AUTS2: variants seen among roughly 807,000 people sequenced by gnomAD.
AUTS2 encodes activator of transcription and developmental regulator AUTS2.
AUTS2 carries 17 observed loss-of-function variants against 112.4 expected under a neutral mutation model. That is an observed-to-expected ratio of 0.15 (90% CI 0.10 to 0.23). The LOEUF (loss-of-function observed/expected upper bound fraction) is 0.23, where lower values mean the gene tolerates loss of function less well. AUTS2 is among the 10% of genes least tolerant of loss of function. AUTS2 has a pLI of 1.00. For missense variants in AUTS2, 1,510 were observed against 1,701.6 expected (o/e 0.89, Z 1.98); for synonymous variants, 751 against 702.7 (o/e 1.07, Z -1.09).
At chr7:70,520,539 A>T (rs1040046236) in intron 5 of AUTS2, among the ~76,000 whole-genome samples, 1 of 152,228 alleles carries the variant, frequency 6.6e-6, no homozygotes. Flanking sequence ...CACGTGCATC[A>T]TGATCACGCC....
chr7:69,806,860 C>A (rs1358272317), intron 1 of AUTS2, among the ~76,000 whole-genome samples: 1 of 152,192 alleles, frequency 6.6e-6, no homozygotes, highest in African/African-American at 2.4e-5. Context: ...CATGGATGAG[C>A]TTTTTCCAGG....
chr7:70,126,972 A>T (rs1397213969), intron 3 of AUTS2, among the ~76,000 whole-genome samples: 1 of 152,012 alleles, frequency 6.6e-6, no homozygotes, highest in East Asian at 1.9e-4. Context: ...GATTACAGGC[A>T]TACACCACCA....
chr7:70,689,387 A>G (rs981058809), intron 5 of AUTS2, among the ~76,000 whole-genome samples: 1 of 151,604 alleles, frequency 6.6e-6, no homozygotes, highest in African/African-American at 2.4e-5. Context: ...TCTCAGAAAA[A>G]AGAAAAAGAA....
intron 5 of AUTS2, among the ~76,000 whole-genome samples, chr7:70,574,260 C>T (rs556379238): frequency 6.6e-6 from 1 of 152,250 alleles, no homozygotes; most frequent in South Asian, 2.1e-4. Flanking sequence ...TCTCTACTAA[C>T]ATCTGAAAAA....
At chr7:69,812,461 A>T (rs1562900078) in intron 1 of AUTS2, among the ~76,000 whole-genome samples, 1 of 152,200 alleles carries the variant, frequency 6.6e-6, no homozygotes, top group East Asian at 1.9e-4. Context: ...TAGAGGTGCC[A>T]AAGATGGTGG....
At chr7:70,264,861 G>GA (rs1190615931) in intron 4 of AUTS2, among the ~76,000 whole-genome samples, 3 of 152,122 alleles carry the variant, frequency 2.0e-5, no homozygotes, top group African/African-American at 7.2e-5. Flanking sequence ...AAAATTTTTA[G>GA]AAAAAGTGTA....
At chr7:69,725,523 G>A (rs975691493) in intron 1 of AUTS2, among the ~76,000 whole-genome samples, 1 of 152,124 alleles carries the variant, frequency 6.6e-6, no homozygotes, top group Non-Finnish European at 1.5e-5. Flanking sequence ...TGCAAAAAAA[G>A]GCAGGGTTGA....
At chr7:70,142,159 C>T (rs746060966) in intron 4 of AUTS2, among the ~76,000 whole-genome samples, 3 of 152,110 alleles carry the variant, frequency 2.0e-5, no homozygotes, top group Non-Finnish European at 4.4e-5. Context: ...AGGAGATAAG[C>T]GGAAAACTTA....
intron 1 of AUTS2, among the ~76,000 whole-genome samples, chr7:69,729,334 CA>C (rs35016196): frequency 0.096 from 14,428 of 150,528 alleles, 1,093 homozygotes; most frequent in African/African-American, 0.21. Flanking sequence ...CTTTTAATAG[CA>C]TTTTTTTTTT....
intron 5 of AUTS2, among the ~76,000 whole-genome samples, chr7:70,592,705 A>G (rs1027314384): frequency 2.0e-5 from 3 of 152,162 alleles, no homozygotes; most frequent in South Asian, 2.1e-4. Flanking sequence ...CTCTTTGCCT[A>G]TTCTCTGAAT....
chr7:70,191,161 CTTTTTT>C (rs34637651), intron 4 of AUTS2, among the ~76,000 whole-genome samples: 1 of 86,426 alleles, frequency 1.2e-5, no homozygotes, highest in African/African-American at 4.7e-5. Context: ...CCACTTATTT[CTTTTTT>C]TTTTTTTTTT....
intron 1 of AUTS2, among the ~76,000 whole-genome samples, chr7:69,673,226 C>T (rs967101238): frequency 4.6e-5 from 7 of 152,076 alleles, no homozygotes; most frequent in African/African-American, 1.4e-4. Context: ...CAGAAGGAGA[C>T]TGTCTGGTTA....
chr7:69,800,589 G>T (rs1045678641), intron 1 of AUTS2, among the ~76,000 whole-genome samples: 1 of 152,162 alleles, frequency 6.6e-6, no homozygotes, highest in Non-Finnish European at 1.5e-5. Context: ...CTTTCCACTA[G>T]CCATAGTTTA....
intron 4 of AUTS2, among the ~76,000 whole-genome samples, chr7:70,183,594 T>G (rs772862478): frequency 6.6e-5 from 10 of 152,246 alleles, no homozygotes; most frequent in African/African-American, 2.4e-4. Context: ...TCAGCCCTGC[T>G]GTGTGCAGAC....
At chr7:70,164,043 A>G (rs1272962348) in intron 4 of AUTS2, among the ~76,000 whole-genome samples, 1 of 152,248 alleles carries the variant, frequency 6.6e-6, no homozygotes, top group Non-Finnish European at 1.5e-5. Context: ...GCTTATGTGC[A>G]GGTCCTACTT....
At chr7:70,375,849 A>G (rs1461982709) in intron 4 of AUTS2, among the ~76,000 whole-genome samples, 1 of 152,138 alleles carries the variant, frequency 6.6e-6, no homozygotes, top group Non-Finnish European at 1.5e-5. Flanking sequence ...CCAAGCTTCT[A>G]CTTGCAACTC....
chr7:69,790,648 C>T lies in AUTS2; in HGVS notation c.310-108638C>T, dbSNP rs561589267. Among the ~76,000 whole-genome samples the T allele has an allele frequency of 3.3e-4, 50 of 152,230 alleles. 1 individual carries two copies. In the South Asian group the frequency reaches 5.2e-3, roughly 16 times the overall value. On this transcript the variant is annotated intron_variant, in intron 1 of 18. Coordinates refer to ENST00000342771, the MANE Select transcript of AUTS2 (RefSeq NM_015570.4). The stretch of plus-strand genomic sequence containing the variant: ...GATTGTTTTGAAGATTGAGATTGTT[C>T]GTAAAATACTTAGAAAAGTGCCTTG...
intron 1 of AUTS2, among the ~76,000 whole-genome samples, chr7:69,627,019 T>C (rs1200261957): frequency 6.6e-6 from 1 of 152,158 alleles, no homozygotes; most frequent in Admixed American, 6.6e-5. Flanking sequence ...GTATAAGAAA[T>C]AGAAATAAAA....
chr7:69,839,309 T>C (rs1791869026), intron 1 of AUTS2, among the ~76,000 whole-genome samples: 1 of 152,160 alleles, frequency 6.6e-6, no homozygotes, highest in South Asian at 2.1e-4. Flanking sequence ...GGCTCTTTTC[T>C]CACTCACTAG....
Sources: gnomAD v4.1 joint callset for allele counts (sites outside exome capture counted in the v4.1 genomes callset) on GRCh38, gnomAD v4.1.1 for gene constraint, MANE v1.5 for transcripts, NCBI Gene and HGNC (gene_info 2026-07-23, HGNC 2026-07-21) for gene names.